Variants in PKHD1 observed in about 807,000 individuals in gnomAD.
PKHD1 encodes the protein PKHD1 ciliary IPT domain containing fibrocystin/polyductin, also known as fibrocystin.
Under a neutral mutation model 412.0 loss-of-function variants are expected in PKHD1, and 291 were observed. The ratio of observed to expected loss-of-function variants is 0.71; its 90% CI spans 0.64 to 0.78. The LOEUF is 0.78. PKHD1 is among the 30% of genes least tolerant of loss of function. The pLI, the probability that PKHD1 is intolerant of heterozygous loss-of-function variation, is 0.00. For missense variants in PKHD1, 4,825 were observed against 4,950.7 expected, an observed-to-expected ratio of 0.97 and a Z score of 0.76; for synonymous variants, 1,777 against 1,821.5, an observed-to-expected ratio of 0.98 and a Z score of 0.62.
chr6:51,984,816 A>G (rs1053078753), intron 35 of PKHD1, among the ~76,000 whole-genome samples: 2 of 152,270 alleles, frequency 1.3e-5, no homozygotes, highest in African/African-American at 4.8e-5. Context: ...TCTGCGAACT[A>G]GAAATAACAT....
At chr6:51,963,510 G>A (rs545739311) in intron 35 of PKHD1, among the ~76,000 whole-genome samples, 11 of 152,172 alleles carry the variant, frequency 7.2e-5, no homozygotes, top group Middle Eastern at 3.4e-3. Context: ...CCAGCTACCT[G>A]GGGAAATAGA....
rs191174218 is a variant in PKHD1 at position 51,947,755 on chromosome 6, C to T, written c.5908+12115G>A. Among the ~76,000 whole-genome samples the T allele has an allele frequency of 9.9e-5, 15 of 152,268 alleles. No homozygotes were observed. The East Asian group carries it at 2.3e-3, about 24-fold the overall frequency. Reference sequence around the variant, plus strand: ...TCCCATCTTGTCTTAAGGTTTTAAACACCATCGCACGCTAATTGTCAATGA... The same window carrying T: ...TCCCATCTTGTCTTAAGGTTTTAAATACCATCGCACGCTAATTGTCAATGA... On this transcript the variant is annotated intron_variant, in intron 36 of 66. Coordinates refer to ENST00000371117, the MANE Select transcript of PKHD1 (RefSeq NM_138694.4).
At chr6:51,633,545 G>A (rs72892111) in intron 64 of PKHD1, among the ~76,000 whole-genome samples, 3,244 of 152,026 alleles carry the variant, frequency 0.021, 54 homozygotes, top group Non-Finnish European at 0.03. Context: ...AGAAAGAAAG[G>A]AAAGAAAAAG....
intron 43 of PKHD1, among the ~76,000 whole-genome samples, chr6:51,899,015 C>A (rs937511880): frequency 2.0e-5 from 3 of 152,138 alleles, no homozygotes; most frequent in Non-Finnish European, 4.4e-5. Context: ...GAAATTGTGG[C>A]AATAATCAAT....
chr6:51,873,974 A>T (rs758015120), intron 46 of PKHD1, among the ~76,000 whole-genome samples: 7 of 152,248 alleles, frequency 4.6e-5, no homozygotes, highest in Non-Finnish European at 1.0e-4. Context: ...AATTGAAACC[A>T]CTAGAGAAAA....
intron 60 of PKHD1, among the ~76,000 whole-genome samples, chr6:51,675,169 G>C (rs1775634444): frequency 6.6e-6 from 1 of 152,116 alleles, no homozygotes; most frequent in Non-Finnish European, 1.5e-5. Context: ...AATTATGGCA[G>C]AGAATACACA....
intron 35 of PKHD1, among the ~76,000 whole-genome samples, chr6:51,975,320 T>A (rs113495246): frequency 3.3e-5 from 5 of 152,142 alleles, no homozygotes; most frequent in African/African-American, 1.2e-4. Flanking sequence ...AACTCTTTTG[T>A]GTATCAAAGG....
Position 51,646,179 on chromosome 6 carries a change from C to G in PKHD1, c.11398+1852G>C, listed in dbSNP as rs78588337. On this transcript the variant is annotated intron_variant, in intron 63 of 66. Transcript: ENST00000371117. ...TCAGGTTGACATAAAATGAATTTCT[C>G]TTCACCTCAAGGTGAAGCCCAGAAT... Among the ~76,000 whole-genome samples, 825 of 152,324 alleles carry G rather than the reference C, an allele frequency of 5.4e-3. 7 individuals are homozygous for G. Among genetic ancestry groups the G allele is most frequent in the African/African-American group, 0.019 (779 of 41,574 alleles).
At chr6:51,675,203 A>C (rs1775639942) in intron 60 of PKHD1, among the ~76,000 whole-genome samples, 1 of 152,166 alleles carries the variant, frequency 6.6e-6, no homozygotes, top group Non-Finnish European at 1.5e-5. Context: ...AGGGTGACAG[A>C]CTTCAGAGCT....
intron 19 of PKHD1, 49 bp downstream of exon 19, chr6:52,055,538 A>C: frequency 6.2e-7 from 1 of 1,603,948 alleles, no homozygotes; most frequent in Non-Finnish European, 8.5e-7. Flanking sequence ...CCAGAGAGCA[A>C]TACCAATACC....
intron 11 of PKHD1, among the ~76,000 whole-genome samples, chr6:52,069,117 T>C (rs1262097145): frequency 2.0e-5 from 3 of 152,248 alleles, no homozygotes; most frequent in African/African-American, 7.2e-5. Context: ...CAGAGATGGA[T>C]GTTAAAGTAA....
chr6:51,721,974 C>T lies in PKHD1; in HGVS notation c.10156+22411G>A, dbSNP rs45451196. On this transcript the variant is annotated intron_variant, in intron 60 of 66. Transcript: ENST00000371117. Reference sequence around the variant, plus strand: ...TAATCTTTCAAAGTTCAGCTTCCTGCAGGCTCCTCCTCTATTCTGAAATCT... The same window carrying T: ...TAATCTTTCAAAGTTCAGCTTCCTGTAGGCTCCTCCTCTATTCTGAAATCT... 0.16 allele frequency: 254,229 copies of T among 1,612,862 alleles called. 22,469 individuals carry two copies. Among genetic ancestry groups the T allele is most frequent in the African/African-American group, 0.39 (28,925 of 74,864 alleles).
rs769893097 is a variant in PKHD1 at position 51,619,253 on chromosome 6, A to G, written c.12053T>C (p.Leu4018Pro). 1.9e-6 allele frequency: 3 copies of G among 1,614,262 alleles called. No homozygotes were observed. The highest frequency in any genetic ancestry group is 3.3e-5 in the Admixed American group (2 of 60,036). Residue 4018 changes from leucine to proline, a missense_variant, in exon 67 of 67, where the codon CTG becomes CCG. Transcript: ENST00000371117. ...RYQLAGQNQL[L>P]LLCPDFRQER... ...TTGTCTGAAGTCTGGGCATAGCAGC[A>G]GCAGCTGATTTTGGCCTGCCAGCTG...
chr6:51,817,840 CCCTT>C (rs1003073470), intron 52 of PKHD1, among the ~76,000 whole-genome samples: 5 of 3,304 alleles, frequency 1.5e-3, no homozygotes, highest in East Asian at 0.12. Context: ...CCATTTGCAC[CCCTT>C]GCTGACCACA....
chr6:51,626,278 T>C (rs2580001), intron 66 of PKHD1, among the ~76,000 whole-genome samples: 6,618 of 152,250 alleles, frequency 0.043, 241 homozygotes, highest in African/African-American at 0.095. Context: ...CTTTGGAGTA[T>C]ATGTTTTAAA....
chr6:51,669,392 AT>A, intron 60 of PKHD1, among the ~76,000 whole-genome samples: 1 of 151,912 alleles, frequency 6.6e-6, no homozygotes, highest in East Asian at 1.9e-4. Context: ...CGGTGGTGAT[AT>A]CCCCTTTATC....
chr6:51,721,736 C>T (rs757691342), intron 60 of PKHD1: 27 of 1,384,392 alleles, frequency 2.0e-5, no homozygotes, highest in Non-Finnish European at 2.5e-5. Context: ...ACACCCTCTC[C>T]ACAGTCCCCA....
intron 36 of PKHD1, among the ~76,000 whole-genome samples, chr6:51,939,652 G>C (rs918588884): frequency 3.3e-5 from 5 of 151,144 alleles, no homozygotes; most frequent in African/African-American, 1.2e-4. Flanking sequence ...CTGACGTCCA[G>C]ACATTCTTTT....
At chr6:51,653,736 G>A (rs1771339196) in intron 61 of PKHD1, among the ~76,000 whole-genome samples, 1 of 152,090 alleles carries the variant, frequency 6.6e-6, no homozygotes, top group Non-Finnish European at 1.5e-5. Flanking sequence ...CTTAGGAGTT[G>A]ACTAGCTGTT....
Sources: gnomAD v4.1 joint callset for allele counts (sites outside exome capture counted in the v4.1 genomes callset) on GRCh38, gnomAD v4.1.1 for gene constraint, MANE v1.5 for transcripts, NCBI Gene and HGNC (gene_info 2026-07-23, HGNC 2026-07-21) for gene names.